PEAK1: variants seen among roughly 807,000 people sequenced by gnomAD.
PEAK1 encodes pseudopodium enriched atypical kinase 1.
Under a neutral mutation model 124.7 loss-of-function variants are expected in PEAK1, and 54 were observed. The ratio of observed to expected loss-of-function variants is 0.43; its 90% CI spans 0.35 to 0.54. The LOEUF (loss-of-function observed/expected upper bound fraction) is 0.54. Ranked by LOEUF, PEAK1 falls within the 20% of genes least tolerant of loss-of-function variation. The pLI, the probability that PEAK1 is intolerant of heterozygous loss-of-function variation, is 0.01. For synonymous variants in PEAK1, 719 were observed against 760.0 expected, an observed-to-expected ratio of 0.95 and a Z score of 0.89; for missense variants, 2,046 against 2,134.5, an observed-to-expected ratio of 0.96 and a Z score of 0.82.
intron 1 of PEAK1, chr15:77,402,435 T>C: frequency 1.0e-6 from 1 of 985,336 alleles, no homozygotes; most frequent in Non-Finnish European, 1.2e-6. Context: ...CAAATGGTCT[T>C]CAATGTCACT....
intron 5 of PEAK1, chr15:77,278,698 C>G: frequency 1.9e-6 from 1 of 517,900 alleles, no homozygotes; most frequent in Non-Finnish European, 3.8e-6. Context: ...CCAAAACAGA[C>G]CAGACACAGA....
At chr15:77,371,246 A>G (rs1455522865) in intron 1 of PEAK1, 1 of 981,106 alleles carries the variant, frequency 1.0e-6, no homozygotes. Flanking sequence ...CTCCAAACCT[A>G]GGGCCTAGTA....
intron 6 of PEAK1, among the ~76,000 whole-genome samples, chr15:77,208,240 A>G (rs1368918872): frequency 6.6e-6 from 1 of 152,232 alleles, no homozygotes; most frequent in Non-Finnish European, 1.5e-5. Flanking sequence ...AAAATGGCGG[A>G]TTGAAGATAT....
intron 2 of PEAK1, among the ~76,000 whole-genome samples, chr15:77,291,831 G>A (rs1194878802): frequency 1.3e-5 from 2 of 151,964 alleles, no homozygotes; most frequent in Non-Finnish European, 2.9e-5. Flanking sequence ...CAAAAAATTA[G>A]CCCGGCATGT....
chr15:77,407,793 A>C (rs2142071673), intron 1 of PEAK1, among the ~76,000 whole-genome samples: 2 of 152,252 alleles, frequency 1.3e-5, no homozygotes, highest in East Asian at 3.9e-4. Flanking sequence ...CATATGAACA[A>C]GACATTTGCA....
intron 6 of PEAK1, among the ~76,000 whole-genome samples, chr15:77,217,744 C>G (rs1253278221): frequency 6.6e-6 from 1 of 152,170 alleles, no homozygotes; most frequent in Non-Finnish European, 1.5e-5. Context: ...GCTGATATCA[C>G]TGCTTATAAA....
At chr15:77,307,331 C>G (rs950717829) in intron 2 of PEAK1, among the ~76,000 whole-genome samples, 1 of 152,084 alleles carries the variant, frequency 6.6e-6, no homozygotes, top group Non-Finnish European at 1.5e-5. Context: ...ACTGAAACTT[C>G]TAAACTTCTA....
At chr15:77,264,064 C>A (rs1386745570) in intron 5 of PEAK1, among the ~76,000 whole-genome samples, 2 of 152,138 alleles carry the variant, frequency 1.3e-5, no homozygotes, top group African/African-American at 2.4e-5. Context: ...ACCCTTCATG[C>A]TAAAAACTCT....
chr15:77,176,583 C>T (rs2056891703), intron 7 of PEAK1, among the ~76,000 whole-genome samples: 1 of 152,142 alleles, frequency 6.6e-6, no homozygotes, highest in Non-Finnish European at 1.5e-5. Flanking sequence ...ATTTAAGAAC[C>T]AATGGGCAAA....
downstream of PEAK1, chr15:77,107,573 T>C (rs987086971): frequency 2.0e-5 from 3 of 152,276 alleles, no homozygotes; most frequent in African/African-American, 7.2e-5. Flanking sequence ...TCTCCTCTCA[T>C]AATGCGGCAG....
intron 7 of PEAK1, among the ~76,000 whole-genome samples, chr15:77,162,967 T>C (rs2055791461): frequency 6.6e-6 from 1 of 152,196 alleles, no homozygotes; most frequent in African/African-American, 2.4e-5. Context: ...TAAAACAAAA[T>C]TGTTAAGTGA....
intron 6 of PEAK1, among the ~76,000 whole-genome samples, chr15:77,200,683 GTTTA>G (rs1427648304): frequency 2.0e-5 from 3 of 152,158 alleles, no homozygotes; most frequent in Admixed American, 1.3e-4. Flanking sequence ...AAAGGCTTTT[GTTTA>G]TTTATTTTGA....
At chr15:77,215,320 CCA>C (rs1176637422) in intron 6 of PEAK1, among the ~76,000 whole-genome samples, 3 of 151,548 alleles carry the variant, frequency 2.0e-5, no homozygotes, top group Admixed American at 2.0e-4. Context: ...AAATTTACTC[CCA>C]GTTTGTGGAT....
chr15:77,261,654 G>A (rs2061447826), intron 5 of PEAK1, among the ~76,000 whole-genome samples: 1 of 152,150 alleles, frequency 6.6e-6, no homozygotes, highest in Non-Finnish European at 1.5e-5. Flanking sequence ...GAAAGTGACG[G>A]GGAGAATGGA....
chr15:77,115,432 G>T, intron 9 of PEAK1, 113 bp from the exon 10 acceptor site: 1 of 981,144 alleles, frequency 1.0e-6, no homozygotes, highest in Non-Finnish European at 1.5e-6. Context: ...ATATAGTAAA[G>T]TTGTTCGCAA....
intron 6 of PEAK1, among the ~76,000 whole-genome samples, chr15:77,231,021 C>A (rs1470409990): frequency 3.3e-5 from 5 of 151,840 alleles, no homozygotes; most frequent in Non-Finnish European, 7.4e-5. Flanking sequence ...TCTATAGGAC[C>A]AGCCCAGTGT....
At chr15:77,248,799 ATATTT>A (rs138299271) in intron 6 of PEAK1, among the ~76,000 whole-genome samples, 33,531 of 151,500 alleles carry the variant, frequency 0.22, 4,100 homozygotes, top group Middle Eastern at 0.29. Flanking sequence ...TATTACTACT[ATATTT>A]TATTTTATTT....
intron 2 of PEAK1, chr15:77,334,941 T>C: frequency 1.0e-6 from 1 of 985,430 alleles, no homozygotes. Flanking sequence ...TAAACCTTTT[T>C]GAGAACACAA....
intron 8 of PEAK1, chr15:77,157,484 G>A (rs1800943032): frequency 6.6e-6 from 1 of 152,256 alleles, no homozygotes; most frequent in African/African-American, 2.4e-5. Context: ...CAAGGAAGAC[G>A]AGTGAAGATG....
Sources: gnomAD v4.1 joint callset for allele counts (sites outside exome capture counted in the v4.1 genomes callset) on GRCh38, gnomAD v4.1.1 for gene constraint, MANE v1.5 for transcripts, NCBI Gene and HGNC (gene_info 2026-07-23, HGNC 2026-07-21) for gene names.